Variants in ELAC2 observed in about 807,000 individuals in gnomAD.
ELAC2 encodes the protein zinc phosphodiesterase ELAC protein 2.
Under a neutral mutation model 105.2 loss-of-function variants are expected in ELAC2, and 92 were observed. The observed-to-expected ratio is 0.87, with a 90% confidence interval of 0.74 to 1.04. ELAC2 has a LOEUF of 1.04. Ranked by LOEUF, ELAC2 falls within the 50% of genes least tolerant of loss-of-function variation. The pLI, the probability that ELAC2 is intolerant of heterozygous loss-of-function variation, is 0.00. For missense variants in ELAC2, 1,099 were observed against 1,071.7 expected, an observed-to-expected ratio of 1.03 and a Z score of -0.36; for synonymous variants, 468 against 409.1, an observed-to-expected ratio of 1.14 and a Z score of -1.74.
Position 13,011,734 on chromosome 17 carries a change from G to C in ELAC2, c.608C>G (p.Pro203Arg). The change falls in exon 7 of 24, where the codon CCT (proline) becomes CGT (arginine). Residue 203 changes from proline to arginine, a missense_variant. Physicochemically the swap from Pro to Arg is moderately radical, Grantham distance 103. Transcript: ENST00000338034. ...KHQPWQSPER[P>R]LSRLSPERSS... ...TCGCTCTGGACTGAGCCTGCTGAGA[G>C]GCCTTTCTGGACTCTGCCATGGTTG... The C allele has an allele frequency of 6.2e-7, 1 of 1,614,144 alleles. No individual in the cohort carries two copies. Among genetic ancestry groups the C allele is most frequent in the Non-Finnish European group, 8.5e-7 (1 of 1,180,034 alleles).
chr17:12,995,012 G>A lies in ELAC2; in HGVS notation c.1859C>T (p.Ala620Val). The stretch of plus-strand genomic sequence containing the variant: ...CAGCGAACTGATCAATCTTTCCACT[G>A]CAGGACTGGAGATCTCAGCCCCTTC... The part of the protein sequence containing the change: ...LQEGAEISSP[A>V]VERLISSLLR... Residue 620 changes from alanine to valine, a missense_variant, in exon 20 of 24, where the codon GCA (alanine) becomes GTA (valine). By Grantham distance (64) the Ala-to-Val change is moderately conservative (BLOSUM62 0). Coordinates refer to ENST00000338034, the MANE Select transcript of ELAC2 (RefSeq NM_018127.7). 1 of 1,614,202 alleles carries A rather than the reference G, an allele frequency of 6.2e-7. No homozygotes were observed. The highest frequency in any genetic ancestry group is 8.5e-7 in the Non-Finnish European group (1 of 1,180,042).
rs2143661739 is a variant in ELAC2 at position 13,011,758 on chromosome 17, T to C, written c.584A>G (p.Gln195Arg). 6.2e-7 allele frequency: 1 copy of C among 1,614,204 alleles called. No individual in the cohort carries two copies. The highest frequency in any genetic ancestry group is 2.2e-5 in the East Asian group (1 of 44,874). The change falls in exon 7 of 24, where the codon CAA becomes CGA. Residue 195 changes from glutamine to arginine, a missense_variant. By Grantham distance (43) the Gln-to-Arg change is conservative. Coordinates refer to ENST00000338034, the MANE Select transcript of ELAC2 (RefSeq NM_018127.7). ...AGGCCTTTCTGGACTCTGCCATGGT[T>C]GGTGCTTTCCCCTCCTCTGTTCACC... Reference protein sequence around the residue: ...IHSEQRRGKHQPWQSPERPLS... With the variant: ...IHSEQRRGKHRPWQSPERPLS...
chr17:12,995,975 AGCCCT>A lies in ELAC2; in HGVS notation c.1660-2_1662del. ...TCTCTCTGCAGCAAGATACTTGGCAAGCCCTGGCAAGGAAACAGGAGACATGCGTC... is the reference window on the plus strand; with the variant it reads ...TCTCTCTGCAGCAAGATACTTGGCAAGGCAAGGAAACAGGAGACATGCGTC... On this transcript the variant is annotated splice_acceptor_variant and coding_sequence_variant, in exon 18 of 24. Coordinates refer to ENST00000338034, the MANE Select transcript of ELAC2 (RefSeq NM_018127.7). LOFTEE classifies it high-confidence loss of function. 6.3e-7 allele frequency: 1 copy of A among 1,594,764 alleles called. No homozygotes were observed. Among genetic ancestry groups the A allele is most frequent in the African/African-American group, 1.3e-5 (1 of 74,666 alleles).
At chr17:12,995,274 C>T (rs2040413604) in intron 19 of ELAC2, among the ~76,000 whole-genome samples, 4 of 152,196 alleles carry the variant, frequency 2.6e-5, no homozygotes, top group Admixed American at 2.0e-4. Flanking sequence ...GTGAATGCTG[C>T]CTCCGGCTCA....
At chr17:13,016,834 CCT>C in intron 3 of ELAC2, 26 bp downstream of exon 3, 1 of 1,608,768 alleles carries the variant, frequency 6.2e-7, no homozygotes, top group East Asian at 2.2e-5. Flanking sequence ...TTCCCACCAG[CCT>C]CTGACACTGC....
intron 11 of ELAC2, among the ~76,000 whole-genome samples, 176 bp downstream of exon 11, chr17:13,004,813 G>A (rs775761945): frequency 6.6e-6 from 1 of 152,320 alleles, no homozygotes; most frequent in Non-Finnish European, 1.5e-5. Context: ...CTTTGAGGCT[G>A]TGTACACCGG....
rs755904309 is a variant in ELAC2, at chr17:12,996,548, G to A, written c.1658C>T (p.Thr553Met). Residue 553 changes from threonine (T) to methionine (M), a missense_variant and splice_region_variant, in exon 17 of 24, where the codon ACG becomes ATG. Transcript: ENST00000338034. ...FVSHLHADHHTGLPSILLQRE... is the reference protein window; with the variant it reads ...FVSHLHADHHMGLPSILLQRE... ...TTTGTGGTCCAGCCCAACACTCACC[G>A]TGTGGTGATCTGCGTGCAGGTGGGA... is the stretch of plus-strand genomic sequence containing the variant. The A allele has an allele frequency of 4.3e-6, 7 of 1,613,718 alleles. No individual in the cohort carries two copies. The highest frequency in any genetic ancestry group is 4.5e-5 in the East Asian group (2 of 44,886).
intron 1 of ELAC2, chr17:13,017,494 G>A: frequency 9.1e-7 from 1 of 1,094,036 alleles, no homozygotes; most frequent in Admixed American, 2.7e-5. Flanking sequence ...AGGACGCTCA[G>A]ACCCAGGCCT....
At chr17:13,005,552 T>G (rs2143624684) in intron 10 of ELAC2, among the ~76,000 whole-genome samples, 1 of 152,242 alleles carries the variant, frequency 6.6e-6, no homozygotes, top group Admixed American at 6.5e-5. Flanking sequence ...ATGGACAATC[T>G]ACAAAAATGC....
In ELAC2 at chr17:13,017,432, G is replaced by T. The variant is rs886171181; in HGVS notation, c.245+271C>A. 4 of 661,648 alleles carry T rather than the reference G, an allele frequency of 6.0e-6. No individual in the cohort carries two copies. The East Asian group carries it at 1.1e-4, about 18-fold the overall frequency. The allele number at this position is 661,648 out of a possible 1,614,324, so 41.0% of individuals were successfully genotyped here. A position where few individuals can be genotyped will look rare whatever the true frequency, so the allele number is the denominator to read the frequency against. On this transcript the variant is annotated intron_variant, in intron 1 of 23. Transcript: ENST00000338034. ...ACTGGCCTTGGGGTGCACGGAAGAG[G>T]GTGGAGCTCCGAAAGTGCTGACAGC...
intron 14 of ELAC2, among the ~76,000 whole-genome samples, chr17:13,001,646 T>C (rs2040818504): frequency 6.6e-6 from 1 of 152,300 alleles, no homozygotes. Context: ...AGTCTCACAC[T>C]CTGGGCCAGT....
chr17:13,017,084 T>C lies in ELAC2; in HGVS notation c.283A>G (p.Met95Val). Residue 95 changes from methionine (M) to valine (V), a missense_variant, in exon 2 of 24, where the codon ATG (methionine) becomes GTG (valine). Coordinates refer to ENST00000338034, the MANE Select transcript of ELAC2 (RefSeq NM_018127.7). ...AGACTGACTCACTTGTGCTCCTGCA[T>C]GAGTCTCTGAACGCCTTCTCCACAG... ...FNCGEGVQRL[M>V]QEHKLKVARL... The C allele has an allele frequency of 1.2e-6, 2 of 1,614,120 alleles. No individual in the cohort carries two copies. The highest frequency in any genetic ancestry group is 2.2e-5 in the East Asian group (1 of 44,872).
At chr17:13,006,928 T>C (rs903445118) in intron 8 of ELAC2, among the ~76,000 whole-genome samples, 1 of 151,982 alleles carries the variant, frequency 6.6e-6, no homozygotes, top group Non-Finnish European at 1.5e-5. Flanking sequence ...AAGACCACCC[T>C]GGCTAAGACG....
intron 8 of ELAC2, chr17:13,006,384 A>T (rs977392932): frequency 5.1e-5 from 12 of 234,170 alleles, no homozygotes; most frequent in African/African-American, 2.3e-4. Flanking sequence ...AAAAAAATAA[A>T]AAATAAAATG....
intron 11 of ELAC2, among the ~76,000 whole-genome samples, chr17:13,004,383 C>T (rs576967543): frequency 1.5e-4 from 23 of 152,216 alleles, no homozygotes; most frequent in African/African-American, 5.3e-4. Flanking sequence ...CAGATAGATA[C>T]AAACTAGGAA....
intron 23 of ELAC2, among the ~76,000 whole-genome samples, chr17:12,993,324 G>A (rs1014279643): frequency 5.9e-5 from 9 of 152,318 alleles, no homozygotes; most frequent in East Asian, 3.9e-4. Context: ...GCCTGGCTCC[G>A]GCTCTGCCCC....
At chr17:13,003,361 G>A (rs1351760475) in intron 12 of ELAC2, 118 bp downstream of exon 12, 10 of 956,926 alleles carry the variant, frequency 1.0e-5, no homozygotes, top group Non-Finnish European at 1.7e-6. Flanking sequence ...GAATCCCACA[G>A]AAAGTTTAGG....
rs889819374 is a variant in ELAC2 at position 13,017,943 on chromosome 17, C to G, written c.5G>C (p.Trp2Ser). 1 of 1,537,100 alleles carries G rather than the reference C, an allele frequency of 6.5e-7. No homozygotes were observed. Among genetic ancestry groups the G allele is most frequent in the Non-Finnish European group, 8.7e-7 (1 of 1,146,804 alleles). M[W>S]ALCSLLRSAA... is the part of the protein sequence containing the mutation. ...GGACCGCAGCAGCGAGCAAAGCGCC[C>G]ACATGCGCCCGTCTCCACCAAAACT... Residue 2 changes from tryptophan (W) to serine (S), a missense_variant, in exon 1 of 24, where the codon TGG (tryptophan) becomes TCG (serine). Transcript: ENST00000338034.
At position 13,002,356 on chromosome 17, in the gene ELAC2, CCTT is replaced by C. The variant is rs764621765; in HGVS notation, c.1219_1221del (p.Lys407del). On this transcript the variant is annotated inframe_deletion and splice_region_variant, in exon 14 of 24. Coordinates refer to ENST00000338034, the MANE Select transcript of ELAC2 (RefSeq NM_018127.7). ...ATGGGCACACTGAGGGTGGGGCCCT[CCTT>C]CTGAAAGAGACAAAACACATTCATG... The C allele has an allele frequency of 6.2e-7, 1 of 1,614,178 alleles. No homozygotes were observed. The highest frequency in any genetic ancestry group is 1.1e-5 in the South Asian group (1 of 91,076).
Sources: gnomAD v4.1 joint callset for allele counts (sites outside exome capture counted in the v4.1 genomes callset) on GRCh38, gnomAD v4.1.1 for gene constraint, MANE v1.5 for transcripts, NCBI Gene and HGNC (gene_info 2026-07-23, HGNC 2026-07-21) for gene names.